Variants in FAM151B observed in about 807,000 individuals in gnomAD.
The protein encoded by FAM151B is protein FAM151B.
FAM151B carries 24 observed loss-of-function variants against 31.2 expected under a neutral mutation model. The observed-to-expected ratio is 0.77, with a 90% confidence interval of 0.56 to 1.08. FAM151B has a LOEUF of 1.08. Ranked by LOEUF, FAM151B falls within the 50% of genes least tolerant of loss-of-function variation. FAM151B has a pLI of 0.00. For missense variants in FAM151B, 293 were observed against 328.6 expected (o/e 0.89, Z 0.84); for synonymous variants, 105 against 111.4 (o/e 0.94, Z 0.36).
At chr5:80,529,600 C>G (rs1204254041) in intron 5 of FAM151B, among the ~76,000 whole-genome samples, 1 of 152,164 alleles carries the variant, frequency 6.6e-6, no homozygotes, top group Non-Finnish European at 1.5e-5. Context: ...TCAGAGAATA[C>G]TATAAACACC....
chr5:80,534,930 A>G (rs1426834850), intron 5 of FAM151B, among the ~76,000 whole-genome samples: 2 of 152,228 alleles, frequency 1.3e-5, no homozygotes, highest in African/African-American at 4.8e-5. Flanking sequence ...AAATCAGCAT[A>G]CAAAAATTGC....
At position 80,509,522 on chromosome 5, in the gene FAM151B, C is replaced by T. The variant is rs140723981; in HGVS notation, c.152-4082C>T. Among the ~76,000 whole-genome samples the T allele has an allele frequency of 1.8e-4, 28 of 152,254 alleles. No individual in the cohort carries two copies. The East Asian group carries it at 4.2e-3, about 23-fold the overall frequency. ...AAATGTCTGTTTATTATAAATTACC[C>T]AGTCTGTGTTATTCTGTCATCACAG... On this transcript the variant is annotated intron_variant, in intron 2 of 5. Coordinates refer to ENST00000282226, the MANE Select transcript of FAM151B (RefSeq NM_205548.3).
At chr5:80,497,488 G>A (rs1248311848) in intron 1 of FAM151B, among the ~76,000 whole-genome samples, 7 of 150,502 alleles carry the variant, frequency 4.7e-5, no homozygotes, top group Admixed American at 3.3e-4. Context: ...AACTATTTTT[G>A]CCTTTCTCTT....
intron 2 of FAM151B, among the ~76,000 whole-genome samples, chr5:80,507,057 T>C (rs1743991122): frequency 6.7e-6 from 1 of 148,890 alleles, no homozygotes; most frequent in African/African-American, 2.5e-5. Flanking sequence ...AAGCAGAGGT[T>C]GCAGTGAGCC....
At chr5:80,534,152 G>C (rs1745384053) in intron 5 of FAM151B, among the ~76,000 whole-genome samples, 1 of 152,046 alleles carries the variant, frequency 6.6e-6, no homozygotes, top group Non-Finnish European at 1.5e-5. Flanking sequence ...GGACCCGATG[G>C]CTTCACTGCT....
At chr5:80,491,616 C>T (rs1407176415) in intron 1 of FAM151B, among the ~76,000 whole-genome samples, 1 of 152,110 alleles carries the variant, frequency 6.6e-6, no homozygotes, top group African/African-American at 2.4e-5. Context: ...TGACATATCC[C>T]CCTCCCATCC....
chr5:80,512,278 A>G (rs1554056566), intron 2 of FAM151B, among the ~76,000 whole-genome samples: 1 of 152,214 alleles, frequency 6.6e-6, no homozygotes, highest in Non-Finnish European at 1.5e-5. Context: ...TAGGTTGTTC[A>G]TCAAGTTATT....
rs534645014 is a variant in FAM151B at position 80,493,198 on chromosome 5, G to A, written c.25+5050G>A. On this transcript the variant is annotated intron_variant, in intron 1 of 5. Transcript: ENST00000282226. ...CCGAATGAAGGGACCAGCTGGAGCC[G>A]AGGCAGAAGAACATAAATTGTGAAG... Among the ~76,000 whole-genome samples the A allele has an allele frequency of 7.2e-5, 11 of 152,304 alleles. No individual in the cohort carries two copies. In the South Asian group the frequency reaches 8.3e-4, roughly 11 times the overall value.
chr5:80,520,013 AGCCTGATGG>A, intron 4 of FAM151B, 103 bp downstream of exon 4: 1 of 1,111,022 alleles, frequency 9.0e-7, no homozygotes, highest in Non-Finnish European at 1.3e-6. Flanking sequence ...ACAAAATCTA[AGCCTGATGG>A]AAAAAAAGGC....
chr5:80,509,644 A>C (rs1189784619), intron 2 of FAM151B, among the ~76,000 whole-genome samples: 1 of 152,226 alleles, frequency 6.6e-6, no homozygotes, highest in Non-Finnish European at 1.5e-5. Flanking sequence ...AGAGGACAGG[A>C]ATAAGAAACA....
At chr5:80,530,104 C>T (rs1410758610) in intron 5 of FAM151B, among the ~76,000 whole-genome samples, 4 of 152,134 alleles carry the variant, frequency 2.6e-5, no homozygotes, top group African/African-American at 9.7e-5. Context: ...TAAACATAAT[C>T]CAGCATATAA....
At chr5:80,531,821 C>T (rs182016980) in intron 5 of FAM151B, among the ~76,000 whole-genome samples, 18 of 152,262 alleles carry the variant, frequency 1.2e-4, no homozygotes, top group African/African-American at 2.9e-4. Flanking sequence ...TTGTGGAAGA[C>T]AGTGTGGTGA....
chr5:80,525,787 A>G (rs989744550), intron 5 of FAM151B, among the ~76,000 whole-genome samples: 26 of 152,106 alleles, frequency 1.7e-4, no homozygotes, highest in Non-Finnish European at 1.3e-4. Flanking sequence ...GCTGCCTTTT[A>G]TAACTATTTT....
At chr5:80,500,258 A>G in intron 1 of FAM151B, 2 of 598,504 alleles carry the variant, frequency 3.3e-6, no homozygotes, top group South Asian at 1.9e-5. Context: ...AGCAAAGGAA[A>G]TGGGGAGATG....
intron 2 of FAM151B, among the ~76,000 whole-genome samples, chr5:80,513,142 T>C (rs1744259587): frequency 6.6e-6 from 1 of 152,200 alleles, no homozygotes; most frequent in African/African-American, 2.4e-5. Context: ...GTTCAAAGGA[T>C]GTATGCTTTT....
intron 1 of FAM151B, among the ~76,000 whole-genome samples, chr5:80,498,352 G>T (rs763023638): frequency 6.6e-6 from 1 of 152,024 alleles, no homozygotes; most frequent in African/African-American, 2.4e-5. Flanking sequence ...GCAGCCCAGC[G>T]TTAGAAGTGA....
chr5:80,527,560 C>A (rs1484086100), intron 5 of FAM151B, among the ~76,000 whole-genome samples: 1 of 152,180 alleles, frequency 6.6e-6, no homozygotes, highest in Admixed American at 6.5e-5. Flanking sequence ...AACTTGTACA[C>A]CGTATTATCA....
intron 2 of FAM151B, among the ~76,000 whole-genome samples, chr5:80,506,603 T>A (rs368681668): frequency 6.6e-6 from 1 of 152,226 alleles, no homozygotes; most frequent in East Asian, 1.9e-4. Context: ...CCTGTCTATT[T>A]TATTTTCCAC....
At chr5:80,535,516 G>A (rs1745451405) in intron 5 of FAM151B, among the ~76,000 whole-genome samples, 1 of 152,228 alleles carries the variant, frequency 6.6e-6, no homozygotes, top group Non-Finnish European at 1.5e-5. Flanking sequence ...AGTAAATGGT[G>A]CAGAGAAAAC....
Sources: gnomAD v4.1 joint callset for allele counts (sites outside exome capture counted in the v4.1 genomes callset) on GRCh38, gnomAD v4.1.1 for gene constraint, MANE v1.5 for transcripts, NCBI Gene and HGNC (gene_info 2026-07-23, HGNC 2026-07-21) for gene names.